Variants in SHISA6 observed in about 807,000 individuals in gnomAD.
SHISA6 encodes protein shisa-6.
SHISA6 carries 22 observed loss-of-function variants against 47.9 expected under a neutral mutation model. That is an observed-to-expected ratio of 0.46 (90% confidence interval 0.33 to 0.66). The LOEUF is 0.66. Among genes scored for constraint, SHISA6 ranks in the 30% least tolerant of loss-of-function variants. The pLI, the probability that SHISA6 is intolerant of heterozygous loss-of-function variation, is 0.02. For synonymous variants in SHISA6, 388 were observed against 337.8 expected (o/e 1.15, Z -1.63); for missense variants, 680 against 764.6 (o/e 0.89, Z 1.30).
chr17:11,507,076 C>T (rs1326231674), intron 3 of SHISA6, among the ~76,000 whole-genome samples: 2 of 152,198 alleles, frequency 1.3e-5, no homozygotes, highest in Non-Finnish European at 2.9e-5. Context: ...GAAAGTTACT[C>T]GGCCTGTCCT....
At chr17:11,295,629 T>G (rs1057132864) in intron 2 of SHISA6, among the ~76,000 whole-genome samples, 3 of 151,926 alleles carry the variant, frequency 2.0e-5, no homozygotes, top group Non-Finnish European at 4.4e-5. Flanking sequence ...AGCAAGCCAT[T>G]TTGAGGAGGT....
At chr17:11,363,351 G>A (rs914143168) in intron 2 of SHISA6, among the ~76,000 whole-genome samples, 4 of 152,154 alleles carry the variant, frequency 2.6e-5, no homozygotes, top group Non-Finnish European at 5.9e-5. Flanking sequence ...GGAAAGGAAA[G>A]AACATTAACC....
At chr17:11,285,703 G>A (rs1909270648) in intron 2 of SHISA6, among the ~76,000 whole-genome samples, 1 of 152,180 alleles carries the variant, frequency 6.6e-6, no homozygotes, top group Non-Finnish European at 1.5e-5. Context: ...ATGAAAACCT[G>A]TGGTCAAGAC....
chr17:11,490,517 T>C lies in SHISA6; in HGVS notation c.896-61379T>C, dbSNP rs1215958162. The stretch of plus-strand genomic sequence containing the variant: ...CCTTTGCAAGCTTCAGGGAGTGCGA[T>C]TTTAATGTGAGTCTAATTAAGTCAG... On this transcript the variant is annotated intron_variant, in intron 3 of 5. Coordinates refer to ENST00000441885, the MANE Select transcript of SHISA6 (RefSeq NM_207386.4). Among the ~76,000 whole-genome samples, 28 of 152,064 alleles carry C rather than the reference T, an allele frequency of 1.8e-4. 1 individual carries two copies. Among genetic ancestry groups the C allele is most frequent in the Admixed American group, 1.8e-3 (28 of 15,276 alleles).
chr17:11,322,449 T>A (rs1006713457), intron 2 of SHISA6, among the ~76,000 whole-genome samples: 3 of 152,192 alleles, frequency 2.0e-5, no homozygotes, highest in African/African-American at 7.2e-5. Context: ...TCTGAAAACA[T>A]CTCTTTTGCC....
At chr17:11,450,165 G>C (rs563788019) in intron 3 of SHISA6, among the ~76,000 whole-genome samples, 1 of 152,016 alleles carries the variant, frequency 6.6e-6, no homozygotes, top group Non-Finnish European at 1.5e-5. Context: ...GATTACAGGC[G>C]TTGAGCCACC....
chr17:11,486,451 A>T (rs903452902), intron 3 of SHISA6, among the ~76,000 whole-genome samples: 21 of 152,234 alleles, frequency 1.4e-4, no homozygotes, highest in Admixed American at 5.2e-4. Context: ...TAGTCAACAA[A>T]TAGTTATGAA....
intron 2 of SHISA6, among the ~76,000 whole-genome samples, chr17:11,303,553 T>A (rs888855449): frequency 2.4e-4 from 37 of 152,094 alleles, no homozygotes; most frequent in African/African-American, 8.7e-4. Context: ...GAGAGTGTGA[T>A]CTTCTCTGAT....
chr17:11,411,758 C>T lies in SHISA6; in HGVS notation c.895+32249C>T, dbSNP rs1344975116. On this transcript the variant is annotated intron_variant, in intron 3 of 5. Coordinates refer to ENST00000441885, the MANE Select transcript of SHISA6 (RefSeq NM_207386.4). ...ATTGCCCAAGGCTGGCATGGAGAACCTCTGCATGTTAGGGAGCATCATCTG... is the reference window on the plus strand; with the variant it reads ...ATTGCCCAAGGCTGGCATGGAGAACTTCTGCATGTTAGGGAGCATCATCTG... Among the ~76,000 whole-genome samples, 9 of 152,168 alleles carry T rather than the reference C, an allele frequency of 5.9e-5. 1 individual carries two copies. Among genetic ancestry groups the T allele is most frequent in the Admixed American group, 5.9e-4 (9 of 15,280 alleles).
At chr17:11,306,913 A>T (rs1196628757) in intron 2 of SHISA6, among the ~76,000 whole-genome samples, 1 of 152,176 alleles carries the variant, frequency 6.6e-6, no homozygotes, top group East Asian at 1.9e-4. Flanking sequence ...GTTGGTGGAA[A>T]GGGAAGGCAA....
chr17:11,464,219 G>A (rs762734082), intron 3 of SHISA6, among the ~76,000 whole-genome samples: 1 of 152,136 alleles, frequency 6.6e-6, no homozygotes, highest in African/African-American at 2.4e-5. Flanking sequence ...ACACAGCCAT[G>A]GAAAAGATTT....
chr17:11,290,800 T>C (rs1461058751), intron 2 of SHISA6: 1 of 152,034 alleles, frequency 6.6e-6, no homozygotes, highest in Non-Finnish European at 1.5e-5. Flanking sequence ...CAATTAAATA[T>C]TGTCAGTTAC....
At chr17:11,311,692 G>A (rs1910346733) in intron 2 of SHISA6, among the ~76,000 whole-genome samples, 1 of 152,114 alleles carries the variant, frequency 6.6e-6, no homozygotes, top group Non-Finnish European at 1.5e-5. Flanking sequence ...ACTCTGATGA[G>A]TTTTAATCTC....
At chr17:11,276,178 A>G (rs892358485) in intron 2 of SHISA6, among the ~76,000 whole-genome samples, 2 of 152,046 alleles carry the variant, frequency 1.3e-5, no homozygotes, top group Non-Finnish European at 2.9e-5. Context: ...GGGTTTCACC[A>G]TGTCGACCAG....
chr17:11,319,940 A>G (rs2142195081), intron 2 of SHISA6, among the ~76,000 whole-genome samples: 1 of 152,354 alleles, frequency 6.6e-6, no homozygotes, highest in Admixed American at 6.5e-5. Context: ...GAAGACAAGA[A>G]TTTGGAAAAG....
In SHISA6 at chr17:11,559,467, G is replaced by C. The variant is rs189108961; in HGVS notation, c.*1163G>C. 1 of 152,250 alleles carries C rather than the reference G, an allele frequency of 6.6e-6. No homozygotes were observed. Among genetic ancestry groups the C allele is most frequent in the African/African-American group, 2.4e-5 (1 of 41,378 alleles). 9.4% of individuals were successfully genotyped at this position (152,250 alleles called of 1,614,324 possible). The stretch of plus-strand genomic sequence containing the variant: ...GAGGTGGTTGTCCTGCATCCTCTCC[G>C]CTCATCCTTCCTTCCCCATCTCTGT... On this transcript the variant is annotated 3_prime_UTR_variant, in exon 6 of 6. Transcript: ENST00000441885. This position sits in a 1 kb window ranked among gnomAD's most constrained non-coding sequence, Gnocchi z 4.4.
chr17:11,558,117 A>G lies in SHISA6; in HGVS notation c.1469A>G (p.Tyr490Cys). The G allele has an allele frequency of 6.4e-7, 1 of 1,551,434 alleles. No individual in the cohort carries two copies. Among genetic ancestry groups the G allele is most frequent in the Middle Eastern group, 1.7e-4 (1 of 5,992 alleles). ...GTGTCCACACCCGTGCTGGACCGCT[A>G]CCGCATGAGCAAGATGCACTCTCAT... Reference protein sequence around the residue: ...VFVSTPVLDRYRMSKMHSHPS... With the variant: ...VFVSTPVLDRCRMSKMHSHPS... Residue 490 changes from tyrosine to cysteine, a missense_variant, in exon 6 of 6, where the codon TAC (tyrosine) becomes TGC (cysteine). By Grantham distance (194) the Tyr-to-Cys change is radical. Transcript: ENST00000441885.
intron 2 of SHISA6, among the ~76,000 whole-genome samples, chr17:11,332,495 T>G (rs1029918714): frequency 6.6e-6 from 1 of 152,166 alleles, no homozygotes; most frequent in Non-Finnish European, 1.5e-5. Flanking sequence ...GCTCCTTTGT[T>G]CTTTGTCAGT....
chr17:11,315,434 CT>C (rs1485302039), intron 2 of SHISA6, among the ~76,000 whole-genome samples: 2 of 151,174 alleles, frequency 1.3e-5, no homozygotes, highest in Non-Finnish European at 3.0e-5. Flanking sequence ...TCTTTTTTTT[CT>C]TATTACATTG....
Sources: gnomAD v4.1 joint callset for allele counts (sites outside exome capture counted in the v4.1 genomes callset) on GRCh38, gnomAD v4.1.1 for gene constraint, Gnocchi (gnomAD v3.1) non-coding constraint, MANE v1.5 for transcripts, NCBI Gene and HGNC (gene_info 2026-07-23, HGNC 2026-07-21) for gene names.